The following NTM variants were observed in gnomAD, a reference collection of about 807,000 sequenced individuals.
NTM encodes the protein IgLON family member 2.
Under a neutral mutation model 42.1 loss-of-function variants are expected in NTM, and 13 were observed. The ratio of observed to expected loss-of-function variants is 0.31; its 90% CI spans 0.20 to 0.49. The LOEUF is 0.49. Among genes scored for constraint, NTM ranks in the 20% least tolerant of loss-of-function variants. The probability of loss-of-function intolerance (pLI) is 0.99; values close to 1 mark genes in which losing one functional copy is unlikely to be tolerated. For missense variants in NTM, 373 were observed against 452.8 expected, an observed-to-expected ratio of 0.82 and a Z score of 1.60; for synonymous variants, 187 against 179.2, an observed-to-expected ratio of 1.04 and a Z score of -0.35.
At position 131,631,809 on chromosome 11, in the gene NTM, G is replaced by A. The variant is rs185076073; in HGVS notation, c.82+260921G>A. Among the ~76,000 whole-genome samples the A allele has an allele frequency of 2.8e-3, 423 of 152,286 alleles. 2 individuals are homozygous for A. Among genetic ancestry groups the A allele is most frequent in the African/African-American group, 9.6e-3 (397 of 41,554 alleles). On this transcript the variant is annotated intron_variant, in intron 1 of 8. Transcript: ENST00000683400. ...GTATCTTTCAGGCAACTCGGCTGCC[G>A]TAATGTTTTGGGATGACATTTTATT...
chr11:131,965,252 G>C (rs1457000888), intron 2 of NTM, among the ~76,000 whole-genome samples: 3 of 152,136 alleles, frequency 2.0e-5, no homozygotes, highest in South Asian at 4.1e-4. Context: ...GCCAGGAAAG[G>C]AGCTCTGATC....
chr11:131,548,830 T>G (rs2054280956), intron 1 of NTM, among the ~76,000 whole-genome samples: 1 of 152,114 alleles, frequency 6.6e-6, no homozygotes. Flanking sequence ...ACCAAATATT[T>G]AAGGTCAGTT....
chr11:131,714,109 AG>A, intron 1 of NTM, among the ~76,000 whole-genome samples: 1 of 152,194 alleles, frequency 6.6e-6, no homozygotes, highest in Non-Finnish European at 1.5e-5. Flanking sequence ...TTTGCCTCAT[AG>A]GGCACATGCT....
Position 131,881,532 on chromosome 11 carries a change from G to A in NTM, c.83-30032G>A, listed in dbSNP as rs891254825. Among the ~76,000 whole-genome samples the A allele has an allele frequency of 1.0e-4, 15 of 144,246 alleles. No homozygotes were observed. The South Asian group carries it at 1.1e-3, about 10-fold the overall frequency. The allele number at this position is 144,246 out of a possible 152,430, so 94.6% of individuals were successfully genotyped here. ...CACCCCCCAAAGCTTTGACGCAGAG[G>A]AGCAGCCAATACTTTGTGGACACCA... On this transcript the variant is annotated intron_variant, in intron 1 of 8. Coordinates refer to ENST00000683400, the MANE Select transcript of NTM (RefSeq NM_001352005.2).
intron 1 of NTM, among the ~76,000 whole-genome samples, chr11:131,763,893 G>A (rs1228570414): frequency 6.6e-6 from 1 of 151,564 alleles, no homozygotes; most frequent in African/African-American, 2.4e-5. Flanking sequence ...TAATATAACT[G>A]CTATCAAGAC....
At chr11:131,947,954 T>TTAG (rs761349350) in intron 2 of NTM, among the ~76,000 whole-genome samples, 31 of 152,256 alleles carry the variant, frequency 2.0e-4, no homozygotes, top group South Asian at 4.2e-4. Context: ...GTACTTATTA[T>TTAG]TAGTAGTAGT....
intron 1 of NTM, among the ~76,000 whole-genome samples, chr11:131,899,750 C>T (rs932598950): frequency 6.6e-6 from 1 of 150,438 alleles, no homozygotes; most frequent in Non-Finnish European, 1.5e-5. Context: ...TGTTTTTATC[C>T]TTTAACTACT....
At chr11:131,521,401 T>C (rs111896996) in intron 1 of NTM, among the ~76,000 whole-genome samples, 1 of 73,422 alleles carries the variant, frequency 1.4e-5, no homozygotes, top group Non-Finnish European at 2.8e-5. Context: ...TTTTTTTTTT[T>C]TTTTTTTTTT....
At chr11:131,618,507 A>G (rs2062181994) in intron 1 of NTM, among the ~76,000 whole-genome samples, 1 of 152,162 alleles carries the variant, frequency 6.6e-6, no homozygotes, top group South Asian at 2.1e-4. Context: ...AAATTAGTTC[A>G]GTATTGCTTG....
intron 4 of NTM, 111 bp from the exon 5 acceptor site, chr11:132,307,578 C>A (rs981213084): frequency 6.8e-7 from 1 of 1,462,246 alleles, no homozygotes; most frequent in South Asian, 1.3e-5. Context: ...TCTGAACTTA[C>A]AACTGGCAAA....
chr11:131,692,688 C>A (rs2074939502), intron 1 of NTM, among the ~76,000 whole-genome samples: 1 of 152,196 alleles, frequency 6.6e-6, no homozygotes, highest in South Asian at 2.1e-4. Flanking sequence ...AAAGTGCCTT[C>A]CCTAGCTTCA....
chr11:131,571,908 A>G (rs917798380), intron 1 of NTM, among the ~76,000 whole-genome samples: 1 of 152,234 alleles, frequency 6.6e-6, no homozygotes, highest in African/African-American at 2.4e-5. Flanking sequence ...AAAAAGTGAA[A>G]TCTGTCTTCC....
intron 1 of NTM, among the ~76,000 whole-genome samples, chr11:131,741,873 A>G (rs1251656778): frequency 6.6e-6 from 1 of 152,238 alleles, no homozygotes; most frequent in Non-Finnish European, 1.5e-5. Context: ...GTACATACGC[A>G]CCATAGAATA....
At chr11:131,401,857 TA>T in intron 1 of NTM, among the ~76,000 whole-genome samples, 1 of 109,116 alleles carries the variant, frequency 9.2e-6, no homozygotes, top group Non-Finnish European at 1.9e-5. Context: ...TATATATATA[TA>T]TATTTTAATT....
chr11:132,096,447 G>T (rs2060998941), intron 2 of NTM, among the ~76,000 whole-genome samples: 1 of 152,172 alleles, frequency 6.6e-6, no homozygotes, highest in African/African-American at 2.4e-5. Flanking sequence ...CATTAAAGTT[G>T]CATTTAGAAT....
Position 131,680,813 on chromosome 11 carries a change from A to AGGCATG in NTM, c.83-230751_83-230750insGGCATG, listed in dbSNP as rs1565415522. 3.2e-3 allele frequency among the ~76,000 whole-genome samples: 4 copies of AGGCATG among 1,260 alleles called. 1 individual carries two copies. The highest frequency in any genetic ancestry group is 0.01 in the African/African-American group (2 of 194). The allele number at this position is 1,260 out of a possible 152,430, so 0.8% of individuals were successfully genotyped here. A position where few individuals can be genotyped will look rare whatever the true frequency, so the allele number is the denominator to read the frequency against. ...TGTGTGTGTGTGTGTGTGTGTGTGT[A>AGGCATG]TGTGAGCTTGTTTCTGTGTCTGTGT... On this transcript the variant is annotated intron_variant, in intron 1 of 8. Coordinates refer to ENST00000683400, the MANE Select transcript of NTM (RefSeq NM_001352005.2).
chr11:132,086,160 TA>T (rs891640049), intron 2 of NTM, among the ~76,000 whole-genome samples: 1 of 151,770 alleles, frequency 6.6e-6, no homozygotes, highest in Admixed American at 6.6e-5. Context: ...CCGTCTCTAC[TA>T]AAAATACAAA....
At chr11:131,456,081 C>A (rs992351211) in intron 1 of NTM, among the ~76,000 whole-genome samples, 1 of 152,150 alleles carries the variant, frequency 6.6e-6, no homozygotes, top group African/African-American at 2.4e-5. Context: ...TTGGCGGTGA[C>A]CTTGAGCAGT....
At chr11:132,317,974 G>C (rs546350936) in intron 7 of NTM, among the ~76,000 whole-genome samples, 1 of 152,348 alleles carries the variant, frequency 6.6e-6, no homozygotes, top group African/African-American at 2.4e-5. Flanking sequence ...GCAAAGGGTA[G>C]AGAGTGAGTC....
Sources: allele counts gnomAD v4.1 joint callset (sites outside exome capture counted in the v4.1 genomes callset), GRCh38; gene constraint gnomAD v4.1.1; transcripts MANE v1.5; gene names NCBI Gene and HGNC (gene_info 2026-07-23, HGNC 2026-07-21).